The following CFAP47 variants were observed in gnomAD, a reference collection of about 807,000 sequenced individuals.
The protein encoded by CFAP47 is cilia- and flagella-associated protein 47.
CFAP47 carries 29 observed loss-of-function variants against 148.1 expected under a neutral mutation model. The observed-to-expected ratio is 0.20, with a 90% CI of 0.15 to 0.27. The LOEUF (loss-of-function observed/expected upper bound fraction) is 0.27, where lower values mean the gene tolerates loss of function less well. CFAP47 is among the 10% of genes least tolerant of loss of function. CFAP47 has a pLI of 1.00. For missense variants in CFAP47, 1,872 were observed against 1,697.5 expected (o/e 1.10, Z -1.81); for synonymous variants, 664 against 577.3 (o/e 1.15, Z -2.15).
intron 17 of CFAP47, among the ~76,000 whole-genome samples, chrX:35,992,421 G>A (rs1339098055): frequency 1.8e-5 from 2 of 109,700 alleles, no homozygotes; most frequent in African/African-American, 6.6e-5. Flanking sequence ...TAGTAAGACC[G>A]GCTTCCCCTC....
chrX:36,338,982 T>C (rs782154504), intron 57 of CFAP47, among the ~76,000 whole-genome samples: 1 of 112,366 alleles, frequency 8.9e-6, no homozygotes, highest in East Asian at 2.8e-4. Context: ...TAATGTCTAC[T>C]CTCACTTGCC....
chrX:36,216,915 C>CTTGCAGCCTCCGGCTGCGTGA, intron 45 of CFAP47, among the ~76,000 whole-genome samples: 1 of 111,981 alleles, frequency 8.9e-6, no homozygotes, highest in Admixed American at 9.5e-5. Context: ...GGTTCAGACT[C>CTTGCAGCCTCCGGCTGCGTGA]CTAAGCCATA....
intron 22 of CFAP47, among the ~76,000 whole-genome samples, chrX:36,018,572 G>A (rs1328933308): frequency 8.9e-6 from 1 of 111,967 alleles, no homozygotes. Context: ...ATTTTATCAA[G>A]TGTTCTTTCA....
At chrX:36,142,465 G>A (rs1939159684) in intron 35 of CFAP47, among the ~76,000 whole-genome samples, 1 of 111,328 alleles carries the variant, frequency 9.0e-6, no homozygotes, top group South Asian at 3.8e-4. Context: ...TTTTTGGTTA[G>A]ATCTATGTAG....
intron 60 of CFAP47, among the ~76,000 whole-genome samples, chrX:36,354,840 A>C (rs959228984): frequency 1.6e-4 from 18 of 111,077 alleles, no homozygotes; most frequent in African/African-American, 5.9e-4. Context: ...GATTTCATGG[A>C]TATAACACCA....
chrX:35,993,409 T>C (rs1936810436), intron 18 of CFAP47, 88 bp downstream of exon 18: 1 of 277,540 alleles, frequency 3.6e-6, no homozygotes, highest in Non-Finnish European at 6.3e-6. Flanking sequence ...GTAGGTATAA[T>C]GCTACAAAAT....
At chrX:36,114,149 T>C (rs1466633567) in intron 33 of CFAP47, among the ~76,000 whole-genome samples, 1 of 111,842 alleles carries the variant, frequency 8.9e-6, no homozygotes, top group Non-Finnish European at 1.9e-5. Flanking sequence ...GTGCTATTAA[T>C]ACTTGTGACT....
Position 36,385,008 on chromosome X carries a change from A to T in CFAP47, c.*2A>T, listed in dbSNP as rs1569333757. ...GCTCCTTTGGTGAAGAATCAATAAA[A>T]TTTTTTTCCAAAATATTTCTTGGTC... On this transcript the variant is annotated 3_prime_UTR_variant, in exon 64 of 64. Coordinates refer to ENST00000378653, the MANE Select transcript of CFAP47 (RefSeq NM_001304548.2). 3 of 1,127,958 alleles carry T rather than the reference A, an allele frequency of 2.7e-6. No homozygotes were observed. Among genetic ancestry groups the T allele is most frequent in the South Asian group, 3.9e-5 (2 of 51,078 alleles). The allele number at this position is 1,127,958 out of a possible 1,213,427, so 93.0% of individuals were successfully genotyped here. A position where few individuals can be genotyped will look rare whatever the true frequency, so the allele number is the denominator to read the frequency against.
At chrX:36,081,385 AG>A (rs1430301373) in intron 29 of CFAP47, among the ~76,000 whole-genome samples, 1 of 111,425 alleles carries the variant, frequency 9.0e-6, no homozygotes, top group African/African-American at 3.3e-5. Context: ...ATGGGCCAAA[AG>A]AATTCACAGC....
chrX:36,156,618 C>A (rs1939369813), intron 37 of CFAP47, among the ~76,000 whole-genome samples: 2 of 103,220 alleles, frequency 1.9e-5, no homozygotes, highest in South Asian at 8.2e-4. Flanking sequence ...TATATAATAT[C>A]AAGGAGGTTT....
chrX:35,927,545 T>G (rs151002526), intron 2 of CFAP47, among the ~76,000 whole-genome samples: 23 of 110,802 alleles, frequency 2.1e-4, no homozygotes, highest in Non-Finnish European at 4.0e-4. Flanking sequence ...ATGGTTGCAA[T>G]ATAAGAAGAG....
intron 42 of CFAP47, among the ~76,000 whole-genome samples, chrX:36,197,841 G>T (rs1453448653): frequency 9.0e-6 from 1 of 111,079 alleles, no homozygotes; most frequent in Non-Finnish European, 1.9e-5. Flanking sequence ...TAAAATTTTA[G>T]GGAACATTAT....
intron 62 of CFAP47, chrX:36,375,128 C>A: frequency 2.9e-6 from 1 of 347,564 alleles, no homozygotes; most frequent in South Asian, 3.1e-5. Flanking sequence ...GTTTGCCTCT[C>A]TTTTCTGCAT....
At chrX:35,981,331 A>G (rs1936641464) in intron 15 of CFAP47, among the ~76,000 whole-genome samples, 1 of 106,398 alleles carries the variant, frequency 9.4e-6, no homozygotes, top group African/African-American at 3.4e-5. Context: ...AATATTAAAC[A>G]AGTATCAAAT....
Position 36,069,810 on chromosome X carries a change from G to A in CFAP47, c.4319-2015G>A, listed in dbSNP as rs112359816. ...GGTAGTGTGTGCTAGGGTATGATAT[G>A]ATCAATAAAGGTAAAATCTTAAAAT... On this transcript the variant is annotated intron_variant, in intron 27 of 63. Coordinates refer to ENST00000378653, the MANE Select transcript of CFAP47 (RefSeq NM_001304548.2). Among the ~76,000 whole-genome samples, 775 of 111,215 alleles carry A rather than the reference G, an allele frequency of 7.0e-3. 4 individuals are homozygous for A. Among genetic ancestry groups the A allele is most frequent in the Middle Eastern group, 0.023 (5 of 217 alleles).
chrX:36,178,845 A>G (rs761273639), intron 39 of CFAP47, among the ~76,000 whole-genome samples: 1 of 112,178 alleles, frequency 8.9e-6, no homozygotes, highest in Non-Finnish European at 1.9e-5. Context: ...ATATATGAGC[A>G]TTGTCATATA....
chrX:36,264,652 C>T (rs1298385578), intron 49 of CFAP47, among the ~76,000 whole-genome samples: 1 of 112,075 alleles, frequency 8.9e-6, no homozygotes, highest in Non-Finnish European at 1.9e-5. Context: ...ACATTGGAGA[C>T]TCAAGACTTT....
chrX:36,250,209 C>T (rs889569801), intron 48 of CFAP47, among the ~76,000 whole-genome samples: 82 of 111,198 alleles, frequency 7.4e-4, no homozygotes, highest in Middle Eastern at 4.6e-3. Flanking sequence ...GTGATATGTA[C>T]GCAATGAAAT....
rs764878623 is a variant in CFAP47, at chrX:36,085,333, T to C, written c.4711T>C (p.Phe1571Leu). Residue 1571 changes from phenylalanine to leucine, a missense_variant, in exon 30 of 64, where the codon TTC becomes CTC. Transcript: ENST00000378653. ...TCATAGGGATGTATATAAAATGCAATTCTACTCATCAACCTCGCCACCCCA... is the reference window on the plus strand; with the variant it reads ...TCATAGGGATGTATATAAAATGCAACTCTACTCATCAACCTCGCCACCCCA... Reference protein sequence around the residue: ...TIRRDVYKMQFYSSTSPPQKF... With the variant: ...TIRRDVYKMQLYSSTSPPQKF... The C allele has an allele frequency of 4.4e-5, 53 of 1,193,674 alleles. No homozygotes were observed. The highest frequency in any genetic ancestry group is 5.4e-5 in the Non-Finnish European group (48 of 882,094).
Sources: gnomAD v4.1 joint callset for allele counts (sites outside exome capture counted in the v4.1 genomes callset) on GRCh38, gnomAD v4.1.1 for gene constraint, MANE v1.5 for transcripts, NCBI Gene and HGNC (gene_info 2026-07-23, HGNC 2026-07-21) for gene names.